The following ADAMTS14 variants were observed in gnomAD, a reference collection of about 807,000 sequenced individuals.
ADAMTS14 encodes the protein ADAM metallopeptidase with thrombospondin type 1 motif 14, also known as A disintegrin and metalloproteinase with thrombospondin motifs 14.
A neutral mutation model predicts 128.6 loss-of-function variants in ADAMTS14; 100 were observed. The ratio of observed to expected loss-of-function variants is 0.78; its 90% CI spans 0.66 to 0.92. ADAMTS14 has a LOEUF of 0.92. Among genes scored for constraint, ADAMTS14 ranks in the 40% least tolerant of loss-of-function variants. ADAMTS14 has a pLI of 0.00. For missense variants in ADAMTS14, 1,562 were observed against 1,658.6 expected (o/e 0.94, Z 1.01); for synonymous variants, 665 against 653.8 (o/e 1.02, Z -0.26).
chr10:70,744,340 C>A (rs1424139263), intron 14 of ADAMTS14, 151 bp downstream of exon 14: 7 of 1,158,136 alleles, frequency 6.0e-6, no homozygotes, highest in Non-Finnish European at 7.9e-6. Flanking sequence ...GCTGCCCAGG[C>A]TGGTGAGCCA....
At chr10:70,685,933 A>G (rs904260001) in intron 2 of ADAMTS14, among the ~76,000 whole-genome samples, 1 of 152,320 alleles carries the variant, frequency 6.6e-6, no homozygotes, top group East Asian at 1.9e-4. Flanking sequence ...CTGGGAGGCC[A>G]ACTAAGAAAA....
At chr10:70,680,888 T>C (rs981278067) in intron 2 of ADAMTS14, among the ~76,000 whole-genome samples, 3 of 152,294 alleles carry the variant, frequency 2.0e-5, no homozygotes, top group Non-Finnish European at 4.4e-5. Flanking sequence ...CCTCAGCTGA[T>C]CCACCTGCCT....
In ADAMTS14 at chr10:70,754,011, A is replaced by T. The variant is rs1189700259; in HGVS notation, c.2937+4A>T. On this transcript the variant is annotated splice_donor_region_variant and intron_variant, in intron 19 of 21. Coordinates refer to ENST00000373207, the MANE Select transcript of ADAMTS14 (RefSeq NM_080722.4). ...GAGGCTGGGAGCCTGGTCCCAGGTG[A>T]CTTGTCCTCAGGAGGTGGGAGGGGC... 3.9e-6 allele frequency: 6 copies of T among 1,551,204 alleles called. No homozygotes were observed. Among genetic ancestry groups the T allele is most frequent in the Non-Finnish European group, 5.2e-6 (6 of 1,151,612 alleles).
At chr10:70,717,707 A>T (rs1214764787) in intron 4 of ADAMTS14, among the ~76,000 whole-genome samples, 1 of 152,162 alleles carries the variant, frequency 6.6e-6, no homozygotes, top group Non-Finnish European at 1.5e-5. Context: ...AGAGAGACAG[A>T]GAGGCCCTTT....
intron 4 of ADAMTS14, among the ~76,000 whole-genome samples, chr10:70,721,019 CTTTTTTTTTTTTT>C (rs56656736): frequency 9.5e-5 from 8 of 84,336 alleles, no homozygotes; most frequent in African/African-American, 2.0e-4. Context: ...TCTCTTTTTT[CTTTTTTTTTTTTT>C]TTTTTTTTTT....
At chr10:70,681,518 CA>C (rs1589257166) in intron 2 of ADAMTS14, among the ~76,000 whole-genome samples, 1 of 152,174 alleles carries the variant, frequency 6.6e-6, no homozygotes, top group East Asian at 1.9e-4. Context: ...GGTTTGTAAA[CA>C]GGAGTCACAT....
chr10:70,742,675 C>T (rs941439640), intron 12 of ADAMTS14, among the ~76,000 whole-genome samples: 16 of 152,182 alleles, frequency 1.1e-4, no homozygotes, highest in African/African-American at 3.6e-4. Context: ...CTGGGAGGCC[C>T]GTGGGGCAGC....
intron 4 of ADAMTS14, among the ~76,000 whole-genome samples, chr10:70,727,135 A>T (rs1484702344): frequency 6.6e-6 from 1 of 152,194 alleles, no homozygotes; most frequent in Non-Finnish European, 1.5e-5. Flanking sequence ...GGCACTGCGG[A>T]AAGTGGCTTG....
intron 4 of ADAMTS14, among the ~76,000 whole-genome samples, chr10:70,712,523 A>G (rs969383143): frequency 3.9e-5 from 6 of 152,252 alleles, no homozygotes; most frequent in Non-Finnish European, 8.8e-5. Context: ...AAGAGAACCC[A>G]AGGACAGAAA....
chr10:70,709,506 T>TTTTG (rs1554817625), intron 4 of ADAMTS14, among the ~76,000 whole-genome samples: 1 of 140,432 alleles, frequency 7.1e-6, no homozygotes, highest in Non-Finnish European at 1.5e-5. Context: ...TTTTTTTTTT[T>TTTTG]TTTTTTTTTT....
rs2132768014 is a variant in ADAMTS14, at chr10:70,761,021, G to A, written c.*168G>A. 9.6e-7 allele frequency: 1 copy of A among 1,041,270 alleles called. No homozygotes were observed. Among genetic ancestry groups the A allele is most frequent in the Non-Finnish European group, 1.3e-6 (1 of 758,090 alleles). 64.5% of individuals were successfully genotyped at this position (1,041,270 alleles called of 1,614,324 possible). A position where few individuals can be genotyped will look rare whatever the true frequency, so the allele number is the denominator to read the frequency against. Reference sequence around the variant, plus strand: ...TGCTCTTTACCCCACAAAGCGGGGTGGGAGGAAGACAAAGATCAGGGAAAG... The same window carrying A: ...TGCTCTTTACCCCACAAAGCGGGGTAGGAGGAAGACAAAGATCAGGGAAAG... On this transcript the variant is annotated 3_prime_UTR_variant, in exon 22 of 22. Transcript: ENST00000373207.
At chr10:70,731,671 C>T (rs1357847495) in intron 6 of ADAMTS14, among the ~76,000 whole-genome samples, 1 of 152,220 alleles carries the variant, frequency 6.6e-6, no homozygotes, top group African/African-American at 2.4e-5. Flanking sequence ...TCCTGGTCCC[C>T]CTCAACTCCT....
Position 70,753,898 on chromosome 10 carries a change from C to T in ADAMTS14, c.2828C>T (p.Thr943Ile). 2 of 1,592,062 alleles carry T rather than the reference C, an allele frequency of 1.3e-6. No homozygotes were observed. The highest frequency in any genetic ancestry group is 1.7e-6 in the Non-Finnish European group (2 of 1,170,362). The stretch of plus-strand genomic sequence containing the variant: ...TGCCTGCTGCCCCTCTCCAATGGAA[C>T]CCACAAGGTCATGCCGGCCAAAGCC... ...IQCLLPLSNG[T>I]HKVMPAKACA... Residue 943 changes from threonine to isoleucine, a missense_variant, in exon 19 of 22, where the codon ACC (threonine) becomes ATC (isoleucine). Thr to Ile is a moderately conservative substitution (Grantham distance 89). Coordinates refer to ENST00000373207, the MANE Select transcript of ADAMTS14 (RefSeq NM_080722.4).
chr10:70,702,937 A>C (rs1840542941), intron 3 of ADAMTS14, among the ~76,000 whole-genome samples: 1 of 152,150 alleles, frequency 6.6e-6, no homozygotes, highest in Non-Finnish European at 1.5e-5. Flanking sequence ...AAGTCTGTCT[A>C]CTGTGTGACC....
intron 3 of ADAMTS14, among the ~76,000 whole-genome samples, chr10:70,708,085 G>C (rs1022993604): frequency 2.6e-5 from 4 of 152,234 alleles, no homozygotes; most frequent in African/African-American, 4.8e-5. Context: ...GACAGTTCTT[G>C]GGTGGGATTT....
At chr10:70,747,899 C>T (rs113696376) in intron 15 of ADAMTS14, among the ~76,000 whole-genome samples, 1,661 of 152,050 alleles carry the variant, frequency 0.011, 25 homozygotes, top group African/African-American at 0.038. Context: ...CGTGCATGCA[C>T]GTGTAGGGGT....
chr10:70,752,302 C>A (rs186199274), intron 18 of ADAMTS14, 75 bp downstream of exon 18: 13 of 1,569,994 alleles, frequency 8.3e-6, no homozygotes, highest in Non-Finnish European at 1.1e-5. Context: ...GGCTGCTGAG[C>A]CTGCTCCCCT....
intron 4 of ADAMTS14, among the ~76,000 whole-genome samples, chr10:70,726,951 T>G (rs1841453125): frequency 6.6e-6 from 1 of 152,232 alleles, no homozygotes; most frequent in Non-Finnish European, 1.5e-5. Flanking sequence ...GCATTGGCAT[T>G]GTTCCTTGTG....
chr10:70,745,278 G>A lies in ADAMTS14; in HGVS notation c.2235G>A (p.Glu745=). 1 of 1,612,712 alleles carries A rather than the reference G, an allele frequency of 6.2e-7. No homozygotes were observed. The highest frequency in any genetic ancestry group is 8.5e-7 in the Non-Finnish European group (1 of 1,179,996). ...CAGGTGCCAGGCACATCCAGATTGA[G>A]GCACTGGAGAAGTCCCCCCACCGCA... ...IPAGARHIQI[E]ALEKSPHRIV... The change falls in exon 15 of 22, where the codon GAG becomes GAA. Residue 745 remains glutamate (E), a synonymous_variant. Transcript: ENST00000373207.
Sources: gnomAD v4.1 joint callset for allele counts (sites outside exome capture counted in the v4.1 genomes callset) on GRCh38, gnomAD v4.1.1 for gene constraint, MANE v1.5 for transcripts, NCBI Gene and HGNC (gene_info 2026-07-23, HGNC 2026-07-21) for gene names.